Variants in GRID2 observed in about 807,000 individuals in gnomAD.
The protein encoded by GRID2 is glutamate ionotropic receptor delta type subunit 2, also known as glutamate receptor ionotropic, delta-2.
GRID2 carries 33 observed loss-of-function variants against 114.8 expected under a neutral mutation model. The observed-to-expected ratio is 0.29, with a 90% CI of 0.22 to 0.38. The LOEUF is 0.38. GRID2 is among the 10% of genes least tolerant of loss of function. The pLI, the probability that GRID2 is intolerant of heterozygous loss-of-function variation, is 1.00. For missense variants in GRID2, 1,184 were observed against 1,257.7 expected, an observed-to-expected ratio of 0.94 and a Z score of 0.89; for synonymous variants, 505 against 449.9, an observed-to-expected ratio of 1.12 and a Z score of -1.55.
intron 1 of GRID2, among the ~76,000 whole-genome samples, chr4:92,420,214 T>C (rs1204509983): frequency 1.3e-5 from 2 of 152,180 alleles, no homozygotes; most frequent in Non-Finnish European, 2.9e-5. Context: ...GCATGTATAA[T>C]ACTAAACTAT....
intron 5 of GRID2, among the ~76,000 whole-genome samples, chr4:93,211,264 A>T (rs927771490): frequency 6.6e-6 from 1 of 152,110 alleles, no homozygotes; most frequent in Non-Finnish European, 1.5e-5. Flanking sequence ...GCATCTTCAT[A>T]TTGTATAGGT....
intron 2 of GRID2, among the ~76,000 whole-genome samples, chr4:92,926,126 A>G (rs958600925): frequency 6.6e-6 from 1 of 152,000 alleles, no homozygotes; most frequent in African/African-American, 2.4e-5. Context: ...AACATTTATA[A>G]AACACTTCTA....
At chr4:92,784,887 AT>A (rs1194948502) in intron 2 of GRID2, among the ~76,000 whole-genome samples, 1 of 151,866 alleles carries the variant, frequency 6.6e-6, no homozygotes, top group Non-Finnish European at 1.5e-5. Flanking sequence ...GAGCTGTGTC[AT>A]CTTTTCTTTA....
intron 1 of GRID2, among the ~76,000 whole-genome samples, chr4:92,328,245 T>C (rs1726697481): frequency 6.6e-6 from 1 of 152,058 alleles, no homozygotes; most frequent in South Asian, 2.1e-4. Context: ...TGTTCTTCTC[T>C]GCAGGAGTAC....
At chr4:93,177,116 A>T (rs1739416877) in intron 4 of GRID2, among the ~76,000 whole-genome samples, 1 of 152,140 alleles carries the variant, frequency 6.6e-6, no homozygotes, top group Admixed American at 6.6e-5. Flanking sequence ...AGTGTGCAAG[A>T]TGAGTTATCC....
At chr4:93,740,363 G>C (rs909714006) in intron 14 of GRID2, among the ~76,000 whole-genome samples, 1 of 152,148 alleles carries the variant, frequency 6.6e-6, no homozygotes, top group Non-Finnish European at 1.5e-5. Flanking sequence ...GCTCATGGCA[G>C]CAACCTCACG....
intron 1 of GRID2, among the ~76,000 whole-genome samples, chr4:92,549,390 C>A (rs1273233465): frequency 6.6e-6 from 1 of 152,078 alleles, no homozygotes. Flanking sequence ...TAGTCTTCTT[C>A]TCTCTAGGAA....
Position 93,728,043 on chromosome 4 carries a change from T to G in GRID2, c.2361-41167T>G, listed in dbSNP as rs868542859. On this transcript the variant is annotated intron_variant, in intron 14 of 15. Coordinates refer to ENST00000282020, the MANE Select transcript of GRID2 (RefSeq NM_001510.4). ...CTTCTGCTAGCTTTTGAATGTGTTT[T>G]CTCTTGCTTTTCTAGTTCTTTTAAT... is the stretch of plus-strand genomic sequence containing the variant. Among the ~76,000 whole-genome samples, 687 of 152,124 alleles carry G rather than the reference T, an allele frequency of 4.5e-3. 8 individuals are homozygous for G. The highest frequency in any genetic ancestry group is 0.015 in the African/African-American group (621 of 41,492).
At chr4:92,959,869 A>G (rs1752679428) in intron 2 of GRID2, among the ~76,000 whole-genome samples, 2 of 151,940 alleles carry the variant, frequency 1.3e-5, no homozygotes, top group Non-Finnish European at 1.5e-5. Flanking sequence ...TAGGGTAGCT[A>G]GGGTAGAGAT....
chr4:93,629,503 T>C (rs1465584547), intron 14 of GRID2, among the ~76,000 whole-genome samples: 1 of 152,186 alleles, frequency 6.6e-6, no homozygotes, highest in Admixed American at 6.5e-5. Context: ...CATTTTTTTA[T>C]AGCCATAAGG....
At chr4:92,438,587 T>A (rs1211997546) in intron 1 of GRID2, among the ~76,000 whole-genome samples, 1 of 151,682 alleles carries the variant, frequency 6.6e-6, no homozygotes, top group East Asian at 1.9e-4. Flanking sequence ...TCTGTGTGTG[T>A]GTGTGTGTGT....
chr4:93,250,752 AT>A (rs998956150), intron 8 of GRID2, among the ~76,000 whole-genome samples: 2 of 147,274 alleles, frequency 1.4e-5, no homozygotes, highest in Admixed American at 1.4e-4. Context: ...TGTTATATAT[AT>A]ATTTATATAT....
At chr4:93,107,351 C>CA (rs939899043) in intron 3 of GRID2, among the ~76,000 whole-genome samples, 47 of 151,924 alleles carry the variant, frequency 3.1e-4, no homozygotes, top group African/African-American at 9.9e-4. Context: ...GAGAAATTTT[C>CA]AAAAAATGTT....
intron 2 of GRID2, chr4:92,884,603 C>T (rs77952325): frequency 0.015 from 2,359 of 158,482 alleles, 30 homozygotes; most frequent in East Asian, 0.073. Context: ...TTAGAGGCCA[C>T]GGCAGGACTT....
At chr4:92,756,098 C>T (rs924301307) in intron 2 of GRID2, among the ~76,000 whole-genome samples, 13 of 152,106 alleles carry the variant, frequency 8.5e-5, no homozygotes, top group Non-Finnish European at 1.9e-4. Flanking sequence ...GCGTCCCCAC[C>T]CCTGCATCCT....
At chr4:93,264,127 T>G (rs184469328) in intron 8 of GRID2, among the ~76,000 whole-genome samples, 1 of 152,284 alleles carries the variant, frequency 6.6e-6, no homozygotes. Flanking sequence ...GCAGACTTTT[T>G]GTCCAGAAAT....
chr4:92,584,617 A>T (rs879274952), intron 1 of GRID2, among the ~76,000 whole-genome samples: 21 of 152,038 alleles, frequency 1.4e-4, no homozygotes, highest in Non-Finnish European at 2.6e-4. Flanking sequence ...ACTACATTTC[A>T]TCAATTTTAT....
At chr4:92,609,371 G>A (rs1040430848) in intron 2 of GRID2, among the ~76,000 whole-genome samples, 5 of 151,076 alleles carry the variant, frequency 3.3e-5, no homozygotes, top group African/African-American at 1.2e-4. Flanking sequence ...TTGCTCTCTG[G>A]GAATGTATAT....
intron 1 of GRID2, among the ~76,000 whole-genome samples, chr4:92,576,630 T>C (rs950026442): frequency 2.6e-5 from 4 of 152,188 alleles, no homozygotes; most frequent in Non-Finnish European, 5.9e-5. Context: ...TGCCTGAGCA[T>C]CTGGTCTCCT....
Sources: gnomAD v4.1 joint callset for allele counts (sites outside exome capture counted in the v4.1 genomes callset) on GRCh38, gnomAD v4.1.1 for gene constraint, MANE v1.5 for transcripts, NCBI Gene and HGNC (gene_info 2026-07-23, HGNC 2026-07-21) for gene names.